Variants in GPR158 observed in about 807,000 individuals in gnomAD.
The protein encoded by GPR158 is metabotropic glycine receptor.
In GPR158, 30 loss-of-function variants were observed where a neutral mutation model predicts 78.2. That is an observed-to-expected ratio of 0.38 (90% CI 0.29 to 0.52). GPR158 has a LOEUF of 0.52. Ranked by LOEUF, GPR158 falls within the 20% of genes least tolerant of loss-of-function variation. The pLI, the probability that GPR158 is intolerant of heterozygous loss-of-function variation, is 0.83. For synonymous variants in GPR158, 581 were observed against 591.1 expected, an observed-to-expected ratio of 0.98 and a Z score of 0.25; for missense variants, 1,463 against 1,523.5, an observed-to-expected ratio of 0.96 and a Z score of 0.66.
Position 25,473,258 on chromosome 10 carries a change from T to G in GPR158, c.1404+6539T>G, listed in dbSNP as rs368337864. 9.1e-4 allele frequency among the ~76,000 whole-genome samples: 138 copies of G among 152,216 alleles called. 3 individuals carry two copies. In the South Asian group the frequency reaches 0.024, roughly 27 times the overall value. On this transcript the variant is annotated intron_variant, in intron 5 of 10. Coordinates refer to ENST00000376351, the MANE Select transcript of GPR158 (RefSeq NM_020752.3). ...TTCTGTTTATATGCTGGATTACATT[T>G]ATTGATTTGCGTATATTGAACCAGC... is the stretch of plus-strand genomic sequence containing the variant.
At chr10:25,243,037 C>T (rs1208780161) in intron 2 of GPR158, among the ~76,000 whole-genome samples, 1 of 152,200 alleles carries the variant, frequency 6.6e-6, no homozygotes, top group Non-Finnish European at 1.5e-5. Context: ...GACAAGCATA[C>T]AGCACCAGAC....
intron 2 of GPR158, among the ~76,000 whole-genome samples, chr10:25,250,609 G>A (rs1428112209): frequency 6.7e-6 from 1 of 150,102 alleles, no homozygotes; most frequent in Non-Finnish European, 1.5e-5. Context: ...CAATTTCCAT[G>A]TAGTTGAGCG....
chr10:25,593,537 G>A (rs1328467198), intron 8 of GPR158, among the ~76,000 whole-genome samples: 2 of 151,896 alleles, frequency 1.3e-5, no homozygotes, highest in African/African-American at 4.8e-5. Context: ...TTCTGCGTAA[G>A]GATGCATCCT....
intron 2 of GPR158, among the ~76,000 whole-genome samples, chr10:25,272,225 TGA>T (rs989926304): frequency 2.6e-5 from 4 of 152,202 alleles, no homozygotes; most frequent in Non-Finnish European, 4.4e-5. Context: ...TAATTTGACT[TGA>T]GTTTTCCAAG....
chr10:25,507,442 T>C (rs779300662), intron 5 of GPR158, among the ~76,000 whole-genome samples: 8 of 152,200 alleles, frequency 5.3e-5, no homozygotes, highest in African/African-American at 4.8e-5. Context: ...CTATAAAACA[T>C]AGGTGATTGG....
At chr10:25,216,806 A>C (rs1853222391) in intron 1 of GPR158, among the ~76,000 whole-genome samples, 1 of 152,164 alleles carries the variant, frequency 6.6e-6, no homozygotes, top group African/African-American at 2.4e-5. Context: ...TCAGGTATAA[A>C]GACGTCTGTG....
intron 4 of GPR158, among the ~76,000 whole-genome samples, chr10:25,451,545 A>G (rs1588870714): frequency 6.6e-6 from 1 of 152,182 alleles, no homozygotes; most frequent in East Asian, 1.9e-4. Flanking sequence ...AAGCTGCTTC[A>G]GGAGCCACTA....
At chr10:25,481,655 T>G (rs2130636812) in intron 5 of GPR158, among the ~76,000 whole-genome samples, 1 of 152,342 alleles carries the variant, frequency 6.6e-6, no homozygotes, top group South Asian at 2.1e-4. Flanking sequence ...GTGGAATTGC[T>G]GCATCATATG....
chr10:25,233,270 T>C (rs1853477122), intron 2 of GPR158, among the ~76,000 whole-genome samples: 1 of 152,256 alleles, frequency 6.6e-6, no homozygotes, highest in Non-Finnish European at 1.5e-5. Flanking sequence ...CTTACCATAA[T>C]TATCTGTAAT....
At chr10:25,312,883 G>A (rs780528661) in intron 2 of GPR158, among the ~76,000 whole-genome samples, 14 of 151,894 alleles carry the variant, frequency 9.2e-5, no homozygotes, top group Middle Eastern at 3.4e-3. Flanking sequence ...ATGCTAAGAC[G>A]CCAGCAAAAT....
chr10:25,411,933 CAAAAAAAAAAAAAAA>C (rs1164005677), intron 3 of GPR158, among the ~76,000 whole-genome samples: 17 of 47,484 alleles, frequency 3.6e-4, no homozygotes, highest in Non-Finnish European at 3.7e-4. Context: ...GACTCTATCA[CAAAAAAAAAAAAAAA>C]AAAAAAAAAA....
At position 25,417,198 on chromosome 10, in the gene GPR158, T is replaced by C. The variant is rs972553443; in HGVS notation, c.1335+4725T>C. ...ATGAGCATTCTTACATGGAATACAA[T>C]AATTATTTTCATGGCTCTATTTCTG... is the stretch of plus-strand genomic sequence containing the variant. On this transcript the variant is annotated intron_variant, in intron 4 of 10. Transcript: ENST00000376351. Among the ~76,000 whole-genome samples the C allele has an allele frequency of 4.6e-5, 7 of 152,196 alleles. No individual in the cohort carries two copies. In the East Asian group the frequency reaches 1.2e-3, roughly 25 times the overall value.
At chr10:25,479,098 A>G (rs558876434) in intron 5 of GPR158, among the ~76,000 whole-genome samples, 2 of 152,244 alleles carry the variant, frequency 1.3e-5, no homozygotes, top group South Asian at 4.2e-4. Flanking sequence ...TAGTGCTGCA[A>G]TAAACATACA....
At chr10:25,498,397 A>C (rs1835911901) in intron 5 of GPR158, among the ~76,000 whole-genome samples, 1 of 152,202 alleles carries the variant, frequency 6.6e-6, no homozygotes, top group South Asian at 2.1e-4. Context: ...TGGTTCTCAA[A>C]TTTGGTCACA....
At position 25,599,007 on chromosome 10, in the gene GPR158, A is replaced by G; in HGVS notation, c.3381A>G (p.Ser1127=). 1.2e-6 allele frequency: 2 copies of G among 1,614,168 alleles called. No individual in the cohort carries two copies. The highest frequency in any genetic ancestry group is 1.1e-5 in the South Asian group (1 of 91,082). Residue 1127 remains serine (S), a synonymous_variant, in exon 11 of 11, where the codon TCA becomes TCG. Coordinates refer to ENST00000376351, the MANE Select transcript of GPR158 (RefSeq NM_020752.3). ...AACTGCCCCCCAAAGCTGTAGCATC[A>G]AAAACAGAGAATGAAAATCTCAACC... ...SEELPPKAVA[S]KTENENLNQI...
At chr10:25,316,101 T>C (rs987113508) in intron 2 of GPR158, among the ~76,000 whole-genome samples, 1 of 152,216 alleles carries the variant, frequency 6.6e-6, no homozygotes, top group Admixed American at 6.5e-5. Flanking sequence ...AAGTGTGATG[T>C]CAGTCTAATT....
chr10:25,514,711 G>A (rs1836136976), intron 5 of GPR158, among the ~76,000 whole-genome samples: 1 of 152,100 alleles, frequency 6.6e-6, no homozygotes, highest in Non-Finnish European at 1.5e-5. Flanking sequence ...TGCTGGCTTG[G>A]TTGTGAATTC....
chr10:25,320,541 A>C (rs1588797471), intron 2 of GPR158, among the ~76,000 whole-genome samples: 1 of 152,338 alleles, frequency 6.6e-6, no homozygotes, highest in East Asian at 1.9e-4. Flanking sequence ...TGGCAATTGC[A>C]GTGCCTAATA....
Position 25,185,808 on chromosome 10 carries a change from GA to G in GPR158, c.902+9499del, listed in dbSNP as rs973363374. On this transcript the variant is annotated intron_variant, in intron 1 of 10. Transcript: ENST00000376351. ...ACTGCACTTCAGCCTGGGCGACAGA[GA>G]AAAAAAAAAAAATTCCTGGATATCC... 2.2e-3 allele frequency among the ~76,000 whole-genome samples: 311 copies of G among 142,534 alleles called. 1 individual carries two copies. The highest frequency in any genetic ancestry group is 2.8e-3 in the Non-Finnish European group (183 of 64,840). 93.5% of individuals were successfully genotyped at this position (142,534 alleles called of 152,430 possible). A position where few individuals can be genotyped will look rare whatever the true frequency, so the allele number is the denominator to read the frequency against.
Sources: allele counts gnomAD v4.1 joint callset (sites outside exome capture counted in the v4.1 genomes callset), GRCh38; gene constraint gnomAD v4.1.1; transcripts MANE v1.5; gene names NCBI Gene and HGNC (gene_info 2026-07-23, HGNC 2026-07-21).